RALYL: variants seen among roughly 807,000 people sequenced by gnomAD.
The protein encoded by RALYL is RNA-binding Raly-like protein.
Under a neutral mutation model 35.1 loss-of-function variants are expected in RALYL, and 29 were observed. That is an observed-to-expected ratio of 0.83 (90% CI 0.61 to 1.13). The LOEUF is 1.13. Among genes scored for constraint, RALYL ranks in the 50% most tolerant of loss-of-function variants. The pLI is 0.00. For missense variants in RALYL, 359 were observed against 360.4 expected (o/e 1.00, Z 0.03); for synonymous variants, 120 against 127.6 (o/e 0.94, Z 0.40).
At chr8:84,337,975 T>C (rs1252918427) in intron 1 of RALYL, among the ~76,000 whole-genome samples, 3 of 152,186 alleles carry the variant, frequency 2.0e-5, no homozygotes, top group African/African-American at 7.2e-5. Context: ...CCATTCATAA[T>C]TCTTACAGCT....
At chr8:84,413,913 CTTA>C (rs2044353971) in intron 1 of RALYL, among the ~76,000 whole-genome samples, 1 of 151,910 alleles carries the variant, frequency 6.6e-6, no homozygotes, top group South Asian at 2.1e-4. Flanking sequence ...TACTTTGAAC[CTTA>C]TTTGTCTTTG....
chr8:84,335,728 T>TTTTC lies in RALYL; in HGVS notation c.-24+151304_-24+151305insTTTC, dbSNP rs1491282626. ...TCTTACCTTTTTTTTTTTTTTTTTTTCCAAGACCTGATTTTGCCAAATCAT... is the reference window on the plus strand; with the variant it reads ...TCTTACCTTTTTTTTTTTTTTTTTTTTTTCCCAAGACCTGATTTTGCCAAATCAT... On this transcript the variant is annotated intron_variant, in intron 1 of 8. Transcript: ENST00000521268. 3.6e-5 allele frequency among the ~76,000 whole-genome samples: 5 copies of TTTTC among 140,772 alleles called. No homozygotes were observed. In the South Asian group the frequency reaches 6.5e-4, roughly 18 times the overall value. 92.4% of individuals were successfully genotyped at this position (140,772 alleles called of 152,430 possible).
At chr8:84,460,529 A>T (rs1175660968) in intron 1 of RALYL, among the ~76,000 whole-genome samples, 2 of 151,760 alleles carry the variant, frequency 1.3e-5, no homozygotes. Context: ...GTTCTTCAAG[A>T]TACAAGGTTA....
intron 3 of RALYL, among the ~76,000 whole-genome samples, chr8:84,800,165 A>G (rs1255871960): frequency 1.3e-5 from 2 of 152,182 alleles, no homozygotes; most frequent in Non-Finnish European, 2.9e-5. Context: ...AAGTATAAAG[A>G]CAGACAATCT....
At chr8:84,890,610 T>A (rs147095249) in intron 8 of RALYL, among the ~76,000 whole-genome samples, 2 of 152,278 alleles carry the variant, frequency 1.3e-5, no homozygotes, top group African/African-American at 4.8e-5. Flanking sequence ...TTCAGTATGC[T>A]GAAGGGGGCT....
intron 1 of RALYL, among the ~76,000 whole-genome samples, chr8:84,351,420 AT>A (rs1036494776): frequency 1.3e-5 from 2 of 149,658 alleles, no homozygotes; most frequent in African/African-American, 5.0e-5. Context: ...ATTCTTTATT[AT>A]TTTTACTTAG....
intron 2 of RALYL, among the ~76,000 whole-genome samples, chr8:84,699,820 C>A (rs577518217): frequency 2.6e-4 from 39 of 152,094 alleles, no homozygotes; most frequent in Admixed American, 2.1e-3. Context: ...GACCTTGTAC[C>A]TTTTTAGGTT....
intron 7 of RALYL, among the ~76,000 whole-genome samples, chr8:84,882,802 A>G (rs1205853822): frequency 7.0e-6 from 1 of 141,992 alleles, no homozygotes; most frequent in African/African-American, 2.8e-5. Flanking sequence ...AAGAATAACT[A>G]TGCAAATAAA....
At chr8:84,416,032 T>C (rs932593579) in intron 1 of RALYL, among the ~76,000 whole-genome samples, 2 of 152,224 alleles carry the variant, frequency 1.3e-5, no homozygotes, top group African/African-American at 4.8e-5. Context: ...AAATAGCTTG[T>C]AGATATGTTT....
intron 1 of RALYL, among the ~76,000 whole-genome samples, chr8:84,303,355 G>A (rs1345194051): frequency 6.6e-6 from 1 of 152,182 alleles, no homozygotes; most frequent in African/African-American, 2.4e-5. Flanking sequence ...GAGCAGCATT[G>A]TAAATACTAC....
At chr8:84,220,953 C>A (rs917812959) in intron 1 of RALYL, among the ~76,000 whole-genome samples, 1 of 151,812 alleles carries the variant, frequency 6.6e-6, no homozygotes, top group Non-Finnish European at 1.5e-5. Context: ...ATATTTATAT[C>A]ATGTAGTATT....
At chr8:84,574,342 G>T (rs1259911023) in intron 2 of RALYL, among the ~76,000 whole-genome samples, 1 of 151,868 alleles carries the variant, frequency 6.6e-6, no homozygotes, top group Non-Finnish European at 1.5e-5. Context: ...TTGTTCTTTG[G>T]CTGGCCTTCT....
chr8:84,645,477 A>G (rs1448268408), intron 2 of RALYL, among the ~76,000 whole-genome samples: 1 of 151,982 alleles, frequency 6.6e-6, no homozygotes, highest in Non-Finnish European at 1.5e-5. Flanking sequence ...TATCTAAGAC[A>G]TGGACAATAG....
At chr8:84,677,633 A>G (rs945187019) in intron 2 of RALYL, among the ~76,000 whole-genome samples, 2 of 152,222 alleles carry the variant, frequency 1.3e-5, no homozygotes, top group Admixed American at 6.5e-5. Flanking sequence ...ATTGCTTCTA[A>G]ATAGAAAATG....
chr8:84,451,563 G>C (rs1483051953), intron 1 of RALYL, among the ~76,000 whole-genome samples: 1 of 152,046 alleles, frequency 6.6e-6, no homozygotes, highest in East Asian at 1.9e-4. Flanking sequence ...CCTTGCCTAG[G>C]TGTTGGATTA....
intron 3 of RALYL, among the ~76,000 whole-genome samples, chr8:84,779,555 C>G (rs367826662): frequency 1.3e-5 from 2 of 152,256 alleles, no homozygotes; most frequent in East Asian, 3.9e-4. Context: ...CTTGTAGCAA[C>G]CTTCCCATCC....
At chr8:84,395,041 A>G (rs1332616927) in intron 1 of RALYL, among the ~76,000 whole-genome samples, 1 of 151,906 alleles carries the variant, frequency 6.6e-6, no homozygotes, top group East Asian at 1.9e-4. Context: ...AACATTTAGG[A>G]ACAACAAAAA....
At chr8:84,373,888 G>T (rs1856416713) in intron 1 of RALYL, among the ~76,000 whole-genome samples, 1 of 151,834 alleles carries the variant, frequency 6.6e-6, no homozygotes, top group African/African-American at 2.4e-5. Context: ...ATTTCTTCAA[G>T]CTGTGTTTTG....
chr8:84,573,529 C>A (rs28615259), intron 2 of RALYL, among the ~76,000 whole-genome samples: 24 of 151,588 alleles, frequency 1.6e-4, no homozygotes, highest in African/African-American at 5.8e-4. Context: ...ACTTTGGTAT[C>A]GTTGTCTTTA....
Sources: allele counts gnomAD v4.1 joint callset (sites outside exome capture counted in the v4.1 genomes callset), GRCh38; gene constraint gnomAD v4.1.1; transcripts MANE v1.5; gene names NCBI Gene and HGNC (gene_info 2026-07-23, HGNC 2026-07-21).